Variants in UPB1 observed in about 807,000 individuals in gnomAD.
UPB1 encodes beta-ureidopropionase.
A neutral mutation model predicts 49.1 loss-of-function variants in UPB1; 40 were observed. The ratio of observed to expected loss-of-function variants is 0.81; its 90% confidence interval spans 0.63 to 1.06. The LOEUF (loss-of-function observed/expected upper bound fraction) is 1.06, where lower values mean the gene tolerates loss of function less well. UPB1 is among the 50% of genes least tolerant of loss of function. The pLI is 0.00. For missense variants in UPB1, 499 were observed against 505.9 expected (o/e 0.99, Z 0.13); for synonymous variants, 207 against 198.2 (o/e 1.04, Z -0.38).
chr22:24,511,519 A>T (rs1252772439), intron 4 of UPB1, among the ~76,000 whole-genome samples: 1 of 151,886 alleles, frequency 6.6e-6, no homozygotes, highest in Non-Finnish European at 1.5e-5. Flanking sequence ...ACTTCAAAAG[A>T]GTGACTCCTT....
rs937838872 is a variant in UPB1 at position 24,526,649 on chromosome 22, A to G, written c.*855A>G. Reference sequence around the variant, plus strand: ...TTTTGGTGCCAAAAGTGGTTCTAGAAAAATAGAATCTTAAAGATGAGTTTT... The same window carrying G: ...TTTTGGTGCCAAAAGTGGTTCTAGAGAAATAGAATCTTAAAGATGAGTTTT... On this transcript the variant is annotated 3_prime_UTR_variant, in exon 10 of 10. Transcript: ENST00000326010. 2.6e-5 allele frequency: 4 copies of G among 152,366 alleles called. No individual in the cohort carries two copies. Among genetic ancestry groups the G allele is most frequent in the African/African-American group, 2.4e-5 (1 of 41,576 alleles). 9.4% of individuals were successfully genotyped at this position (152,366 alleles called of 1,614,324 possible).
chr22:24,513,499 AAGAT>A lies in UPB1; in HGVS notation c.621+20_621+23del. On this transcript the variant is annotated intron_variant, in intron 5 of 9. Transcript: ENST00000326010. ...GATTTCAACGAGGTGAGCCACCCATAAGATAGATAACCAGCCCTGCTCACTTGCC... is the reference window on the plus strand; with the variant it reads ...GATTTCAACGAGGTGAGCCACCCATAAGATAACCAGCCCTGCTCACTTGCC... The A allele has an allele frequency of 1.2e-6, 2 of 1,612,920 alleles. No homozygotes were observed. The highest frequency in any genetic ancestry group is 8.5e-7 in the Non-Finnish European group (1 of 1,179,604).
chr22:24,512,927 A>T (rs1394930769), intron 4 of UPB1, among the ~76,000 whole-genome samples: 1 of 152,190 alleles, frequency 6.6e-6, no homozygotes, highest in Non-Finnish European at 1.5e-5. Flanking sequence ...CCATTCACCC[A>T]TTGATGGGCA....
chr22:24,510,025 G>T (rs1282585948), intron 3 of UPB1, among the ~76,000 whole-genome samples: 2 of 152,092 alleles, frequency 1.3e-5, no homozygotes, highest in African/African-American at 4.8e-5. Context: ...CTGAGGTCGG[G>T]AGTTCAAGAC....
At chr22:24,506,719 T>C (rs1295671481) in intron 3 of UPB1, among the ~76,000 whole-genome samples, 1 of 152,228 alleles carries the variant, frequency 6.6e-6, no homozygotes, top group East Asian at 1.9e-4. Context: ...TGTTTGTTTT[T>C]CCCAACTCTC....
Position 24,520,408 on chromosome 22 carries a change from G to A in UPB1, c.813G>A (p.Glu271=), listed in dbSNP as rs1243668527. 1.2e-6 allele frequency: 2 copies of A among 1,614,174 alleles called. No individual in the cohort carries two copies. The highest frequency in any genetic ancestry group is 1.6e-4 in the Middle Eastern group (1 of 6,062). Residue 271 remains glutamate, a synonymous_variant, in exon 7 of 10, where the codon GAG becomes GAA. Coordinates refer to ENST00000326010, the MANE Select transcript of UPB1 (RefSeq NM_016327.3). Reference sequence around the variant, plus strand: ...ACAGCGAGTCCCTGTGGCCCATCGAGGCCAGAAACGCAGCCATTGCCAATC... The same window carrying A: ...ACAGCGAGTCCCTGTGGCCCATCGAAGCCAGAAACGCAGCCATTGCCAATC... ...GALSESLWPI[E]ARNAAIANHC...
At chr22:24,505,616 G>C (rs1456165995) in intron 3 of UPB1, among the ~76,000 whole-genome samples, 1 of 152,228 alleles carries the variant, frequency 6.6e-6, no homozygotes, top group Non-Finnish European at 1.5e-5. Context: ...ATCTCTGGAG[G>C]ATGAGCCTCT....
At chr22:24,520,555 A>G (rs970081889) in intron 7 of UPB1, 87 bp downstream of exon 7, 1 of 1,462,136 alleles carries the variant, frequency 6.8e-7, no homozygotes, top group Non-Finnish European at 9.4e-7. Flanking sequence ...ACATGCCACA[A>G]ATCCTAGGGT....
chr22:24,495,463 C>T lies in UPB1; in HGVS notation c.60C>T (p.Pro20=), dbSNP rs752771871. 4.3e-6 allele frequency: 7 copies of T among 1,614,062 alleles called. 1 individual carries two copies. Among genetic ancestry groups the T allele is most frequent in the South Asian group, 3.3e-5 (3 of 91,084 alleles). Residue 20 remains proline (P), a synonymous_variant, in exon 1 of 10, where the codon CCC becomes CCT. Coordinates refer to ENST00000326010, the MANE Select transcript of UPB1 (RefSeq NM_016327.3). ...EECLEKHLPL[P]DLQEVKRVLY... ...GCTTGGAGAAGCACCTGCCGCTCCCCGACTTGCAGGAAGTGAAGCGCGTTC... is the reference window on the plus strand; with the variant it reads ...GCTTGGAGAAGCACCTGCCGCTCCCTGACTTGCAGGAAGTGAAGCGCGTTC...
chr22:24,525,065 T>C (rs2044459711), intron 9 of UPB1, among the ~76,000 whole-genome samples: 1 of 152,218 alleles, frequency 6.6e-6, no homozygotes. Flanking sequence ...CCAAGAATGC[T>C]GGCCAACTCT....
In UPB1 at chr22:24,495,368, T is replaced by G. The variant is rs1440261082; in HGVS notation, c.-36T>G. The G allele has an allele frequency of 6.2e-7, 1 of 1,608,634 alleles. No individual in the cohort carries two copies. Among genetic ancestry groups the G allele is most frequent in the East Asian group, 2.2e-5 (1 of 44,868 alleles). ...CCCACTGCGGGCAAAGGGCAGGCAG[T>G]TCGTGCGCGGACACAAGCACTGGCG... is the stretch of plus-strand genomic sequence containing the variant. On this transcript the variant is annotated 5_prime_UTR_variant, in exon 1 of 10. Coordinates refer to ENST00000326010, the MANE Select transcript of UPB1 (RefSeq NM_016327.3).
In UPB1 at chr22:24,510,741, A is replaced by T. The variant is rs370760045; in HGVS notation, c.365-8A>T. Reference sequence around the variant, plus strand: ...TGGATATAATTCTGCCCTTTCTCCTATTTATAGCTATGCCCTTTGCCTTCT... The same window carrying T: ...TGGATATAATTCTGCCCTTTCTCCTTTTTATAGCTATGCCCTTTGCCTTCT... On this transcript the variant is annotated splice_polypyrimidine_tract_variant and splice_region_variant and intron_variant, in intron 3 of 9. Transcript: ENST00000326010. 3.7e-6 allele frequency: 6 copies of T among 1,613,748 alleles called. No homozygotes were observed. In the Admixed American group the frequency reaches 6.7e-5, roughly 18 times the overall value.
intron 1 of UPB1, among the ~76,000 whole-genome samples, chr22:24,498,253 A>G (rs1052467010): frequency 3.3e-5 from 5 of 152,168 alleles, no homozygotes; most frequent in African/African-American, 9.7e-5. Context: ...TAGGATTTCA[A>G]CATATGAATT....
chr22:24,515,224 C>T lies in UPB1; in HGVS notation c.645C>T (p.Asn215=). The change falls in exon 6 of 10, where the codon AAC becomes AAT. Residue 215 remains asparagine (N), a synonymous_variant. Coordinates refer to ENST00000326010, the MANE Select transcript of UPB1 (RefSeq NM_016327.3). ...FNESTYYMEG[N]LGHPVFQTQF... Reference sequence around the variant, plus strand: ...AGTCAACTTACTACATGGAGGGAAACCTGGGCCACCCCGTGTTCCAGACGC... The same window carrying T: ...AGTCAACTTACTACATGGAGGGAAATCTGGGCCACCCCGTGTTCCAGACGC... 6.2e-7 allele frequency: 1 copy of T among 1,614,160 alleles called. No homozygotes were observed. Among genetic ancestry groups the T allele is most frequent in the Non-Finnish European group, 8.5e-7 (1 of 1,180,032 alleles).
In UPB1 at chr22:24,502,380, C is replaced by T. The variant is rs762982989; in HGVS notation, c.364+167C>T. On this transcript the variant is annotated intron_variant, in intron 3 of 9. Coordinates refer to ENST00000326010, the MANE Select transcript of UPB1 (RefSeq NM_016327.3). ...AGGAACCCCGGCCTCCCTGCTGTTA[C>T]GCACCGAGCTGTTGTCTGATTCCTT... 113 of 813,900 alleles carry T rather than the reference C, an allele frequency of 1.4e-4. No homozygotes were observed. The Admixed American group carries it at 1.7e-3, about 13-fold the overall frequency. 50.4% of individuals were successfully genotyped at this position (813,900 alleles called of 1,614,324 possible).
intron 1 of UPB1, among the ~76,000 whole-genome samples, chr22:24,498,806 ACT>A (rs138410195): frequency 0.062 from 9,477 of 152,168 alleles, 429 homozygotes; most frequent in Non-Finnish European, 0.09. Flanking sequence ...TCACCAGGAC[ACT>A]CTGAAAGAGC....
At chr22:24,522,224 TCC>T in intron 8 of UPB1, among the ~76,000 whole-genome samples, 196 bp downstream of exon 8, 1 of 152,036 alleles carries the variant, frequency 6.6e-6, no homozygotes, top group Non-Finnish European at 1.5e-5. Flanking sequence ...GGATAGGCAG[TCC>T]TGAGCTTGAG....
chr22:24,518,053 T>C (rs1763121348), intron 6 of UPB1: 1 of 152,226 alleles, frequency 6.6e-6, no homozygotes. Context: ...TAGTCCCAGC[T>C]ACTTGGGAGG....
chr22:24,527,020 A>G lies in UPB1; in HGVS notation c.*1226A>G, dbSNP rs2044487476. 1 of 152,140 alleles carries G rather than the reference A, an allele frequency of 6.6e-6. No homozygotes were observed. Among genetic ancestry groups the G allele is most frequent in the African/African-American group, 2.4e-5 (1 of 41,426 alleles). 9.4% of individuals were successfully genotyped at this position (152,140 alleles called of 1,614,324 possible). Reference sequence around the variant, plus strand: ...GGTTGAGCTCCATTTTACACATCAGATTACTCACTTCTCTACACCTTGGTT... The same window carrying G: ...GGTTGAGCTCCATTTTACACATCAGGTTACTCACTTCTCTACACCTTGGTT... On this transcript the variant is annotated 3_prime_UTR_variant, in exon 10 of 10. Transcript: ENST00000326010.
Sources: allele counts gnomAD v4.1 joint callset (sites outside exome capture counted in the v4.1 genomes callset), GRCh38; gene constraint gnomAD v4.1.1; transcripts MANE v1.5; gene names NCBI Gene and HGNC (gene_info 2026-07-23, HGNC 2026-07-21).